Variants in ANKRD16 observed in about 807,000 individuals in gnomAD.
ANKRD16 encodes the protein ankyrin repeat domain 16, also known as ankyrin repeat domain-containing protein 16.
ANKRD16 carries 35 observed loss-of-function variants against 37.9 expected under a neutral mutation model. The ratio of observed to expected loss-of-function variants is 0.92; its 90% CI spans 0.71 to 1.23. ANKRD16 has a LOEUF of 1.23. Among genes scored for constraint, ANKRD16 ranks in the 50% most tolerant of loss-of-function variants. The pLI is 0.00. For missense variants in ANKRD16, 480 were observed against 469.9 expected (o/e 1.02, Z -0.20); for synonymous variants, 206 against 197.2 (o/e 1.04, Z -0.37).
chr10:5,889,387 C>A lies in ANKRD16; in HGVS notation c.-33G>T, dbSNP rs1382775477. On this transcript the variant is annotated 5_prime_UTR_variant, in exon 1 of 8. Transcript: ENST00000380094. Reference sequence around the variant, plus strand: ...GGTCGGGCCGGGCTGCGCGGGGAGGCGGCGGGCGGGACACCGGCGGCCGGG... The same window carrying A: ...GGTCGGGCCGGGCTGCGCGGGGAGGAGGCGGGCGGGACACCGGCGGCCGGG... 8.4e-6 allele frequency: 10 copies of A among 1,184,104 alleles called. No individual in the cohort carries two copies. Among genetic ancestry groups the A allele is most frequent in the Non-Finnish European group, 1.0e-5 (10 of 958,650 alleles). 73.3% of individuals were successfully genotyped at this position (1,184,104 alleles called of 1,614,324 possible).
rs116188323 is a variant in ANKRD16 at position 5,869,779 on chromosome 10, G to C, written c.*34-7088C>G. Among the ~76,000 whole-genome samples, 3,300 of 145,188 alleles carry C rather than the reference G, an allele frequency of 0.023. 138 individuals are homozygous for C. Among genetic ancestry groups the C allele is most frequent in the African/African-American group, 0.081 (3,098 of 38,226 alleles). On this transcript the variant is annotated intron_variant, in intron 7 of 7. Transcript: ENST00000380094. The surrounding 1 kb of genome is among the most constrained non-coding windows in gnomAD (Gnocchi z 4.0). The stretch of plus-strand genomic sequence containing the variant: ...CAGCTGGGGGTTGCTGGGGGGAGGG[G>C]TGGGTGGGTGGGAATCTGCATCTTT...
Position 5,868,427 on chromosome 10 carries a change from G to A in ANKRD16, c.*34-5736C>T, listed in dbSNP as rs1842044636. Among the ~76,000 whole-genome samples, 1 of 152,196 alleles carries A rather than the reference G, an allele frequency of 6.6e-6. No homozygotes were observed. Among genetic ancestry groups the A allele is most frequent in the South Asian group, 2.1e-4 (1 of 4,818 alleles). On this transcript the variant is annotated intron_variant, in intron 7 of 7. Coordinates refer to ENST00000380094, the MANE Select transcript of ANKRD16 (RefSeq NM_019046.3). This position sits in a 1 kb window ranked among gnomAD's most constrained non-coding sequence, Gnocchi z 4.9. ...GTGGGTTGAGAGGTGAAGCCAGCTG[G>A]ATTTCCTGGATCAAGTGGGGACTTG... is the stretch of plus-strand genomic sequence containing the variant.
Position 5,866,831 on chromosome 10 carries a change from CAGAG to C in ANKRD16, c.*34-4144_*34-4141del, listed in dbSNP as rs904748610. ...GAGACAAAGGAGTCAAAGAGGGAGA[CAGAG>C]AGAGGAAGAGACAGAGAGGCTGAAA... On this transcript the variant is annotated intron_variant, in intron 7 of 7. Coordinates refer to ENST00000380094, the MANE Select transcript of ANKRD16 (RefSeq NM_019046.3). The surrounding 1 kb of genome is among the most constrained non-coding windows in gnomAD (Gnocchi z 4.3). Among the ~76,000 whole-genome samples the C allele has an allele frequency of 3.3e-5, 5 of 150,792 alleles. No individual in the cohort carries two copies. Among genetic ancestry groups the C allele is most frequent in the Non-Finnish European group, 5.9e-5 (4 of 67,776 alleles).
rs2203197 is a variant in ANKRD16 at position 5,862,955 on chromosome 10, C to T, written c.*34-264G>A. On this transcript the variant is annotated intron_variant, in intron 7 of 7. Coordinates refer to ENST00000380094, the MANE Select transcript of ANKRD16 (RefSeq NM_019046.3). The surrounding 1 kb of genome is among the most constrained non-coding windows in gnomAD (Gnocchi z 6.5). Reference sequence around the variant, plus strand: ...CACTGTGCTAAATGACCCTTCTGCTCTGTTTGCCTGGAAAAGTCCCCATCT... The same window carrying T: ...CACTGTGCTAAATGACCCTTCTGCTTTGTTTGCCTGGAAAAGTCCCCATCT... Among the ~76,000 whole-genome samples, 74,719 of 152,010 alleles carry T rather than the reference C, an allele frequency of 0.49. 20,418 individuals are homozygous for T. The highest frequency in any genetic ancestry group is 0.72 in the African/African-American group (29,766 of 41,430).
chr10:5,869,255 T>C lies in ANKRD16; in HGVS notation c.*34-6564A>G, dbSNP rs1254705685. ...GGTGATAGTTTCCTGGGAGCACAAA[T>C]ATGTCTGAATTAATCAAACTGTATA... On this transcript the variant is annotated intron_variant, in intron 7 of 7. Transcript: ENST00000380094. The surrounding 1 kb of genome is among the most constrained non-coding windows in gnomAD (Gnocchi z 4.0). Among the ~76,000 whole-genome samples, 6 of 152,172 alleles carry C rather than the reference T, an allele frequency of 3.9e-5. No homozygotes were observed. The highest frequency in any genetic ancestry group is 7.3e-5 in the Non-Finnish European group (5 of 68,028).
At chr10:5,888,766 C>T (rs1294748882) in intron 1 of ANKRD16, among the ~76,000 whole-genome samples, 2 of 152,260 alleles carry the variant, frequency 1.3e-5, no homozygotes, top group Non-Finnish European at 2.9e-5. Flanking sequence ...TGTTTGGTAA[C>T]ATTCTCTTTG....
At chr10:5,880,641 G>C (rs546019810) in intron 5 of ANKRD16, among the ~76,000 whole-genome samples, 5 of 151,984 alleles carry the variant, frequency 3.3e-5, no homozygotes, top group African/African-American at 1.2e-4. Flanking sequence ...GAGCAGGGGG[G>C]GGATTAGGCA....
Position 5,883,036 on chromosome 10 carries a change from G to A in ANKRD16, c.819C>T (p.Thr273=). 1 of 1,613,938 alleles carries A rather than the reference G, an allele frequency of 6.2e-7. No individual in the cohort carries two copies. Among genetic ancestry groups the A allele is most frequent in the Non-Finnish European group, 8.5e-7 (1 of 1,180,044 alleles). ...GVDVDVRATS[T]HLTALHYAAK... is the part of the protein sequence containing the mutation. ...CTGCATAATGAAGTGCTGTGAGGTGGGTTGATGTGGCTCTCACATCTACAT... is the reference window on the plus strand; with the variant it reads ...CTGCATAATGAAGTGCTGTGAGGTGAGTTGATGTGGCTCTCACATCTACAT... The change falls in exon 5 of 8, where the codon ACC becomes ACT. Residue 273 remains threonine (T), a synonymous_variant. Coordinates refer to ENST00000380094, the MANE Select transcript of ANKRD16 (RefSeq NM_019046.3).
Position 5,865,619 on chromosome 10 carries a change from G to A in ANKRD16, c.*34-2928C>T, listed in dbSNP as rs1405407021. Among the ~76,000 whole-genome samples the A allele has an allele frequency of 1.3e-5, 2 of 152,184 alleles. No homozygotes were observed. Among genetic ancestry groups the A allele is most frequent in the African/African-American group, 4.8e-5 (2 of 41,438 alleles). On this transcript the variant is annotated intron_variant, in intron 7 of 7. Transcript: ENST00000380094. The surrounding 1 kb of genome is among the most constrained non-coding windows in gnomAD (Gnocchi z 4.7). Reference sequence around the variant, plus strand: ...GAATCCTGGGACAGCCTATAACCAGGTATTTCTCCCACCTCCTCAGTTGTA... The same window carrying A: ...GAATCCTGGGACAGCCTATAACCAGATATTTCTCCCACCTCCTCAGTTGTA...
At chr10:5,887,571 A>G (rs1266447669) in intron 2 of ANKRD16, among the ~76,000 whole-genome samples, 3 of 152,124 alleles carry the variant, frequency 2.0e-5, no homozygotes, top group Admixed American at 6.5e-5. Context: ...TTTAGTAGAG[A>G]CGGCGTTTCA....
chr10:5,864,456 TG>T lies in ANKRD16; in HGVS notation c.*34-1766del, dbSNP rs889160149. On this transcript the variant is annotated intron_variant, in intron 7 of 7. Transcript: ENST00000380094. The surrounding 1 kb of genome is among the most constrained non-coding windows in gnomAD (Gnocchi z 4.4). The stretch of plus-strand genomic sequence containing the variant: ...GATTTAAAGCAGATCAAGGTAGACC[TG>T]GGTAAGTTTTCAGATATATCCTGAT... 3.3e-5 allele frequency among the ~76,000 whole-genome samples: 5 copies of T among 152,250 alleles called. No homozygotes were observed. The highest frequency in any genetic ancestry group is 2.1e-4 in the South Asian group (1 of 4,822).
At chr10:5,884,253 G>C (rs7919913) in intron 3 of ANKRD16, among the ~76,000 whole-genome samples, 176 bp from the exon 4 acceptor site, 1 of 152,056 alleles carries the variant, frequency 6.6e-6, no homozygotes, top group Non-Finnish European at 1.5e-5. Context: ...CTTCAGGAGC[G>C]TGATGGTCTT....
rs1842310068 is a variant in ANKRD16, at chr10:5,881,444, AT to A, written c.850-1069del. Among the ~76,000 whole-genome samples the A allele has an allele frequency of 3.4e-3, 382 of 113,044 alleles. 20 individuals are homozygous for A. Among genetic ancestry groups the A allele is most frequent in the South Asian group, 0.01 (34 of 3,294 alleles). The allele number at this position is 113,044 out of a possible 152,430, so 74.2% of individuals were successfully genotyped here. On this transcript the variant is annotated intron_variant, in intron 5 of 7. Coordinates refer to ENST00000380094, the MANE Select transcript of ANKRD16 (RefSeq NM_019046.3). ...TATAAAATAAAAATATTATTTATAT[AT>A]ATATATATATATATATATATATATA...
At chr10:5,881,641 A>G (rs1377866971) in intron 5 of ANKRD16, among the ~76,000 whole-genome samples, 2 of 140,648 alleles carry the variant, frequency 1.4e-5, no homozygotes, top group African/African-American at 5.3e-5. Context: ...ATTTTTTTGT[A>G]TTTTTTAGTA....
Position 5,862,664 on chromosome 10 carries a change from A to G in ANKRD16, c.*61T>C. Reference sequence around the variant, plus strand: ...CACTTGGCTTTCTCTGAGCCGAAAAACGAAAGGTGCTCAGGCTCCCAGCAA... The same window carrying G: ...CACTTGGCTTTCTCTGAGCCGAAAAGCGAAAGGTGCTCAGGCTCCCAGCAA... On this transcript the variant is annotated 3_prime_UTR_variant, in exon 8 of 8. Transcript: ENST00000380094. The surrounding 1 kb of genome is among the most constrained non-coding windows in gnomAD (Gnocchi z 6.5). 1 of 1,289,580 alleles carries G rather than the reference A, an allele frequency of 7.8e-7. No individual in the cohort carries two copies. Among genetic ancestry groups the G allele is most frequent in the Non-Finnish European group, 1.0e-6 (1 of 988,846 alleles). The allele number at this position is 1,289,580 out of a possible 1,614,324, so 79.9% of individuals were successfully genotyped here. A position where few individuals can be genotyped will look rare whatever the true frequency, so the allele number is the denominator to read the frequency against.
chr10:5,886,491 T>C (rs1842425415), intron 2 of ANKRD16, among the ~76,000 whole-genome samples: 1 of 152,152 alleles, frequency 6.6e-6, no homozygotes, highest in Non-Finnish European at 1.5e-5. Flanking sequence ...CTCGGGAGAC[T>C]GAGGCACGTG....
In ANKRD16 at chr10:5,884,008, C is replaced by A. The variant is rs631947; in HGVS notation, c.648G>T (p.Gly216=). 0.9 allele frequency: 1,450,351 copies of A among 1,614,040 alleles called. 652,163 individuals are homozygous for A. The highest frequency in any genetic ancestry group is 0.96 in the East Asian group (42,919 of 44,882). Residue 216 remains glycine, a synonymous_variant, in exon 4 of 8, where the codon GGG becomes GGT. Transcript: ENST00000380094. The stretch of plus-strand genomic sequence containing the variant: ...GGAGCAGCCTAGCGACGTCGATGTG[C>A]CCACACTGGATTGCGTCCATCAAGG... ...VTALMDAIQC[G]HIDVARLLLD... is the part of the protein sequence containing the mutation.
chr10:5,862,785 A>C lies in ANKRD16; in HGVS notation c.*34-94T>G. ...AGCACAAGGTCCCACAGCTGGACTCAGGGCTGCTGGCTACAGGGCCTGGCT... is the reference window on the plus strand; with the variant it reads ...AGCACAAGGTCCCACAGCTGGACTCCGGGCTGCTGGCTACAGGGCCTGGCT... On this transcript the variant is annotated intron_variant, in intron 7 of 7. Transcript: ENST00000380094. The surrounding 1 kb of genome is among the most constrained non-coding windows in gnomAD (Gnocchi z 6.5). 1 of 855,256 alleles carries C rather than the reference A, an allele frequency of 1.2e-6. No homozygotes were observed. Among genetic ancestry groups the C allele is most frequent in the Non-Finnish European group, 1.7e-6 (1 of 594,376 alleles). The allele number at this position is 855,256 out of a possible 1,614,324, so 53.0% of individuals were successfully genotyped here. A position where few individuals can be genotyped will look rare whatever the true frequency, so the allele number is the denominator to read the frequency against.
chr10:5,889,326 A>AGGCGCCGCGGGTCCCCGGGCTGGGCC lies in ANKRD16; in HGVS notation c.3_28dup (p.Leu10ArgfsTer22), dbSNP rs1564422440. 2 of 1,266,160 alleles carry AGGCGCCGCGGGTCCCCGGGCTGGGCC rather than the reference A, an allele frequency of 1.6e-6. No individual in the cohort carries two copies. The highest frequency in any genetic ancestry group is 4.2e-5 in the Admixed American group (1 of 23,880). The allele number at this position is 1,266,160 out of a possible 1,614,324, so 78.4% of individuals were successfully genotyped here. A position where few individuals can be genotyped will look rare whatever the true frequency, so the allele number is the denominator to read the frequency against. The stretch of plus-strand genomic sequence containing the variant: ...CCGGCCCTCCTGCACCAGCCTGCAG[A>AGGCGCCGCGGGTCCCCGGGCTGGGCC]GGCGCCGCGGGTCCCCGGGCTGGGC... On this transcript the variant is annotated frameshift_variant, in exon 1 of 8. Transcript: ENST00000380094. LOFTEE classifies it high-confidence loss of function.
Sources: gnomAD v4.1 joint callset for allele counts (sites outside exome capture counted in the v4.1 genomes callset) on GRCh38, gnomAD v4.1.1 for gene constraint, Gnocchi (gnomAD v3.1) non-coding constraint, MANE v1.5 for transcripts, NCBI Gene and HGNC (gene_info 2026-07-23, HGNC 2026-07-21) for gene names.